PCDHA8: variants seen among roughly 807,000 people sequenced by gnomAD.
PCDHA8 encodes protocadherin alpha-8.
Under a neutral mutation model 61.8 loss-of-function variants are expected in PCDHA8, and 53 were observed. The observed-to-expected ratio is 0.86, with a 90% CI of 0.69 to 1.08. PCDHA8 has a LOEUF of 1.08. Ranked by LOEUF, PCDHA8 falls within the 50% of genes least tolerant of loss-of-function variation. The probability of loss-of-function intolerance (pLI) is 0.00; values close to 1 mark genes in which losing one functional copy is unlikely to be tolerated. For missense variants in PCDHA8, 1,293 were observed against 1,245.0 expected (o/e 1.04, Z -0.58); for synonymous variants, 618 against 556.6 (o/e 1.11, Z -1.55).
chr5:140,941,190 TTTTTCTTTCTTC>T (rs1475511565), intron 1 of PCDHA8, among the ~76,000 whole-genome samples: 3 of 129,438 alleles, frequency 2.3e-5, no homozygotes, highest in South Asian at 2.5e-4. Context: ...TGCTTCTTTT[TTTTTCTTTCTTC>T]CTTTCTTTCT....
rs1562832308 is a variant in PCDHA8 at position 140,887,757 on chromosome 5, CAT to C, written c.2394+44045_2394+44046del. 3.3e-5 allele frequency among the ~76,000 whole-genome samples: 5 copies of C among 152,284 alleles called. No homozygotes were observed. In the East Asian group the frequency reaches 9.6e-4, roughly 29 times the overall value. On this transcript the variant is annotated intron_variant, in intron 1 of 3. Transcript: ENST00000531613. ...CATCCTTTCTGAGACTCCAGTAACA[CAT>C]ATGTTACAATGACACAGGTCATTGA...
intron 1 of PCDHA8, chr5:140,968,039 G>A (rs1016266543): frequency 1.7e-5 from 28 of 1,614,026 alleles, no homozygotes; most frequent in Non-Finnish European, 1.9e-5. Context: ...GGTGGTGAGC[G>A]GCCCACTGGA....
intron 1 of PCDHA8, among the ~76,000 whole-genome samples, chr5:140,938,922 T>G (rs2092267013): frequency 6.6e-6 from 1 of 151,926 alleles, no homozygotes; most frequent in Non-Finnish European, 1.5e-5. Flanking sequence ...CACAAGAAAT[T>G]GGCTTTTAAC....
chr5:140,979,573 G>T lies in PCDHA8; in HGVS notation c.2453+566G>T, dbSNP rs558232107. Among the ~76,000 whole-genome samples, 224 of 152,236 alleles carry T rather than the reference G, an allele frequency of 1.5e-3. 1 individual carries two copies. Among genetic ancestry groups the T allele is most frequent in the African/African-American group, 5.2e-3 (215 of 41,538 alleles). On this transcript the variant is annotated intron_variant, in intron 2 of 3. Transcript: ENST00000531613. ...CTTCAGAAGATGAGCCATGTAAAGG[G>T]CTCCAAATCTAGCTTACTTTAAATT...
rs2150445484 is a variant in PCDHA8, at chr5:140,849,697, A to T, written c.2394+5982A>T. The T allele has an allele frequency of 1.8e-5, 29 of 1,598,622 alleles. 2 individuals carry two copies. Among genetic ancestry groups the T allele is most frequent in the Middle Eastern group, 1.7e-4 (1 of 5,912 alleles). ...GTCCCCTTCAAGCTGGTGTCCACCTACAAGAATTACTACTCGTTGGTGCTG... is the reference window on the plus strand; with the variant it reads ...GTCCCCTTCAAGCTGGTGTCCACCTTCAAGAATTACTACTCGTTGGTGCTG... On this transcript the variant is annotated intron_variant, in intron 1 of 3. Coordinates refer to ENST00000531613, the MANE Select transcript of PCDHA8 (RefSeq NM_018911.3).
At chr5:140,982,439 G>T in intron 2 of PCDHA8, 36 bp from the exon 3 acceptor site, 1 of 1,613,560 alleles carries the variant, frequency 6.2e-7, no homozygotes, top group Non-Finnish European at 8.5e-7. Context: ...AAGAATTTAT[G>T]ATCTAACCGT....
At chr5:140,883,655 T>A (rs782178754) in intron 1 of PCDHA8, 7 of 1,613,000 alleles carry the variant, frequency 4.3e-6, no homozygotes, top group African/African-American at 1.3e-5. Context: ...GTACACGGTG[T>A]TCGTGAAGGA....
chr5:140,893,656 T>C (rs950016091), intron 1 of PCDHA8, among the ~76,000 whole-genome samples: 1 of 152,222 alleles, frequency 6.6e-6, no homozygotes. Flanking sequence ...CTGATAGTTT[T>C]AAAAAATTTC....
At chr5:140,926,719 A>G (rs1315762828) in intron 1 of PCDHA8, 38 of 986,432 alleles carry the variant, frequency 3.9e-5, no homozygotes, top group Non-Finnish European at 4.4e-5. Flanking sequence ...AGCCCCGGCA[A>G]TGCCGGCGTT....
At chr5:140,954,692 C>T (rs1428031536) in intron 1 of PCDHA8, among the ~76,000 whole-genome samples, 10 of 151,966 alleles carry the variant, frequency 6.6e-5, no homozygotes, top group African/African-American at 2.4e-4. Flanking sequence ...GATGGATAGA[C>T]TACAAAATTT....
intron 3 of PCDHA8, among the ~76,000 whole-genome samples, chr5:140,993,460 T>TCA (rs1554253699): frequency 1.6e-3 from 169 of 104,560 alleles, no homozygotes; most frequent in African/African-American, 3.8e-3. Flanking sequence ...CTTCTTTCTT[T>TCA]CTCACACACA....
intron 3 of PCDHA8, among the ~76,000 whole-genome samples, chr5:141,002,953 T>G (rs2098104496): frequency 1.3e-5 from 2 of 152,230 alleles, no homozygotes; most frequent in Non-Finnish European, 2.9e-5. Context: ...CATGCCCCTC[T>G]GAGAGCTTTC....
At chr5:140,893,498 A>G (rs1471386820) in intron 1 of PCDHA8, among the ~76,000 whole-genome samples, 2 of 151,410 alleles carry the variant, frequency 1.3e-5, no homozygotes, top group Admixed American at 6.6e-5. Flanking sequence ...CACAAAAAAG[A>G]AAAAAAAAGC....
chr5:140,947,038 A>G (rs2094072618), intron 1 of PCDHA8, among the ~76,000 whole-genome samples: 1 of 151,776 alleles, frequency 6.6e-6, no homozygotes, highest in Admixed American at 6.6e-5. Context: ...TATACTAATT[A>G]CCCTGATTTG....
chr5:140,850,743 T>C, intron 1 of PCDHA8: 1 of 1,597,890 alleles, frequency 6.3e-7, no homozygotes, highest in Non-Finnish European at 8.6e-7. Context: ...GAGTTGGTCG[T>C]ACTCGCAGCA....
intron 1 of PCDHA8, chr5:140,859,405 G>C (rs1222698496): frequency 4.0e-6 from 1 of 250,884 alleles, no homozygotes; most frequent in African/African-American, 2.3e-5. Context: ...ACAGGGTTGG[G>C]TTAGATGATA....
intron 1 of PCDHA8, among the ~76,000 whole-genome samples, chr5:140,921,888 AAGG>A (rs1354196773): frequency 2.0e-5 from 3 of 152,090 alleles, no homozygotes; most frequent in African/African-American, 7.2e-5. Flanking sequence ...AGATTTTAGA[AAGG>A]AGGATAAATA....
At chr5:140,941,666 C>G (rs1029878263) in intron 1 of PCDHA8, among the ~76,000 whole-genome samples, 4 of 152,004 alleles carry the variant, frequency 2.6e-5, no homozygotes, top group Non-Finnish European at 4.4e-5. Context: ...AATTTTATGT[C>G]AAGTTCAATA....
intron 1 of PCDHA8, among the ~76,000 whole-genome samples, chr5:140,950,799 G>C (rs1218789077): frequency 5.3e-5 from 8 of 151,796 alleles, no homozygotes; most frequent in African/African-American, 1.7e-4. Flanking sequence ...ATATTGTCTG[G>C]TTTTACCATA....
Sources: gnomAD v4.1 joint callset for allele counts (sites outside exome capture counted in the v4.1 genomes callset) on GRCh38, gnomAD v4.1.1 for gene constraint, MANE v1.5 for transcripts, NCBI Gene and HGNC (gene_info 2026-07-23, HGNC 2026-07-21) for gene names.